Variants in POLR1A observed in about 807,000 individuals in gnomAD.
POLR1A encodes DNA-directed RNA polymerase I subunit RPA1.
POLR1A carries 84 observed loss-of-function variants against 205.3 expected under a neutral mutation model. The observed-to-expected ratio is 0.41, with a 90% CI of 0.34 to 0.49. POLR1A has a LOEUF of 0.49. Ranked by LOEUF, POLR1A falls within the 20% of genes least tolerant of loss-of-function variation. The pLI is 0.22. For synonymous variants in POLR1A, 799 were observed against 863.7 expected (o/e 0.93, Z 1.31); for missense variants, 1,645 against 2,204.5 (o/e 0.75, Z 5.08).
At chr2:86,031,656 G>C (rs770470729) in intron 29 of POLR1A, 21 bp from the exon 30 acceptor site, 3 of 1,595,098 alleles carry the variant, frequency 1.9e-6, no homozygotes, top group Admixed American at 3.4e-5. Context: ...AGGGAGCACA[G>C]GCTGTGTCAC....
intron 8 of POLR1A, 91 bp downstream of exon 8, chr2:86,081,510 G>A: frequency 2.7e-6 from 2 of 737,562 alleles, no homozygotes; most frequent in East Asian, 2.6e-5. Flanking sequence ...GTCTCTCAGT[G>A]CCCTTGGCCC....
intron 3 of POLR1A, among the ~76,000 whole-genome samples, chr2:86,092,632 C>T (rs535769999): frequency 2.0e-4 from 31 of 152,298 alleles, no homozygotes; most frequent in African/African-American, 7.5e-4. Context: ...CAAGACCAGC[C>T]TGGCCAACAT....
intron 9 of POLR1A, 147 bp downstream of exon 9, chr2:86,080,669 C>A: frequency 1.4e-6 from 1 of 692,008 alleles, no homozygotes; most frequent in Non-Finnish European, 2.3e-6. Flanking sequence ...CTAGGTGCCC[C>A]CTAAGCCCAG....
intron 15 of POLR1A, among the ~76,000 whole-genome samples, chr2:86,053,328 C>A (rs1009367187): frequency 6.6e-6 from 1 of 152,094 alleles, no homozygotes; most frequent in Admixed American, 6.5e-5. Flanking sequence ...CCCACCCACG[C>A]TGACTTGAGG....
intron 27 of POLR1A, among the ~76,000 whole-genome samples, chr2:86,036,400 G>C (rs537234598): frequency 4.6e-5 from 7 of 152,214 alleles, no homozygotes; most frequent in African/African-American, 1.7e-4. Flanking sequence ...CTCTACCTAG[G>C]GAACCATCTG....
chr2:86,063,966 G>T lies in POLR1A; in HGVS notation c.2058+1308C>A, dbSNP rs148327129. 3.0e-3 allele frequency among the ~76,000 whole-genome samples: 457 copies of T among 151,868 alleles called. 2 individuals carry two copies. The highest frequency in any genetic ancestry group is 0.014 in the Middle Eastern group (4 of 294). ...TTTTGACCCATGAGCTATTTAAGAA[G>T]TACGTTATTTAGAAGTACAAATATT... On this transcript the variant is annotated intron_variant, in intron 14 of 33. Transcript: ENST00000263857.
intron 24 of POLR1A, among the ~76,000 whole-genome samples, chr2:86,041,166 T>A (rs901540180): frequency 2.0e-4 from 19 of 95,522 alleles, no homozygotes; most frequent in Non-Finnish European, 3.5e-4. Flanking sequence ...TGTGTGTGTG[T>A]GTGTGTGTGT....
rs1372698998 is a variant in POLR1A at position 86,042,987 on chromosome 2, G to C, written c.3344C>G (p.Pro1115Arg). The change falls in exon 23 of 34, where the codon CCT becomes CGT. Residue 1115 changes from proline (P) to arginine (R), a missense_variant. By Grantham distance (103) the Pro-to-Arg change is moderately radical. Around this residue, in one of 16 missense-constraint regions of POLR1A, gnomAD observed 201 missense variants for 222.3 expected, o/e 0.90. Transcript: ENST00000263857. ...TCCCTGCATCACCTCCTGAGTCCCA[G>C]GGCTGCGGCCATTGCGGTTTTCACT... Reference protein sequence around the residue: ...LESENRNGRSPGTQEMLRMWY... With the variant: ...LESENRNGRSRGTQEMLRMWY... 1 of 1,613,670 alleles carries C rather than the reference G, an allele frequency of 6.2e-7. No individual in the cohort carries two copies. Among genetic ancestry groups the C allele is most frequent in the Admixed American group, 1.7e-5 (1 of 60,020 alleles).
At position 86,042,958 on chromosome 2, in the gene POLR1A, C is replaced by T. The variant is rs757940196; in HGVS notation, c.3357+16G>A. 3.4e-5 allele frequency: 54 copies of T among 1,593,128 alleles called. No homozygotes were observed. The highest frequency in any genetic ancestry group is 4.6e-5 in the Non-Finnish European group (53 of 1,161,512). ...TGGACGTGCTGGACATTAAGGACAC[C>T]ACCTCCCTGCATCACCTCCTGAGTC... On this transcript the variant is annotated intron_variant, in intron 23 of 33. Coordinates refer to ENST00000263857, the MANE Select transcript of POLR1A (RefSeq NM_015425.6).
At chr2:86,073,565 C>T (rs1471056064) in intron 12 of POLR1A, among the ~76,000 whole-genome samples, 1 of 152,226 alleles carries the variant, frequency 6.6e-6, no homozygotes, top group Non-Finnish European at 1.5e-5. Context: ...CCCACTTGCC[C>T]TGCACATTCC....
At chr2:86,074,667 A>T (rs1673246420) in intron 12 of POLR1A, among the ~76,000 whole-genome samples, 1 of 152,190 alleles carries the variant, frequency 6.6e-6, no homozygotes, top group Admixed American at 6.5e-5. Context: ...CCTTCCTAAG[A>T]GTGGCTCTCA....
intron 27 of POLR1A, among the ~76,000 whole-genome samples, chr2:86,037,622 C>T (rs1447896785): frequency 6.6e-6 from 1 of 152,228 alleles, no homozygotes; most frequent in Admixed American, 6.5e-5. Context: ...TCCCAGAAGA[C>T]CAAGAACTGG....
At chr2:86,097,214 CAAAAAAA>C (rs757210116) in intron 3 of POLR1A, among the ~76,000 whole-genome samples, 25 of 39,694 alleles carry the variant, frequency 6.3e-4, no homozygotes, top group African/African-American at 1.5e-3. Flanking sequence ...CCCCAAAAGA[CAAAAAAA>C]AAAAAAAAAA....
intron 12 of POLR1A, among the ~76,000 whole-genome samples, chr2:86,071,528 T>C (rs1349274850): frequency 6.6e-6 from 1 of 152,186 alleles, no homozygotes; most frequent in Admixed American, 6.5e-5. Context: ...AAAAAGGTCT[T>C]CACTTATTTT....
rs1364021988 is a variant in POLR1A, at chr2:86,068,400, G to A, written c.1866+1618C>T. 3.9e-5 allele frequency among the ~76,000 whole-genome samples: 4 copies of A among 102,476 alleles called. No homozygotes were observed. The East Asian group carries it at 1.4e-3, about 36-fold the overall frequency. 67.2% of individuals were successfully genotyped at this position (102,476 alleles called of 152,430 possible). On this transcript the variant is annotated intron_variant, in intron 13 of 33. Coordinates refer to ENST00000263857, the MANE Select transcript of POLR1A (RefSeq NM_015425.6). ...AAGCACATGGGCGGGGGGGGGGGGCGGGTGTCGTCCAAAGCTGCTGGGTTC... is the reference window on the plus strand; with the variant it reads ...AAGCACATGGGCGGGGGGGGGGGGCAGGTGTCGTCCAAAGCTGCTGGGTTC...
At chr2:86,040,116 C>A (rs1672574272) in intron 25 of POLR1A, 2 of 326,828 alleles carry the variant, frequency 6.1e-6, no homozygotes, top group Non-Finnish European at 1.1e-5. Flanking sequence ...CTGAGTCCTT[C>A]CCCCAGCAGT....
chr2:86,093,132 A>G (rs531297308), intron 3 of POLR1A, among the ~76,000 whole-genome samples: 6 of 152,362 alleles, frequency 3.9e-5, no homozygotes, highest in Admixed American at 1.3e-4. Context: ...TATATATTGA[A>G]AAGGTATTTG....
chr2:86,031,777 G>T (rs1672400617), intron 29 of POLR1A, 142 bp from the exon 30 acceptor site: 2 of 1,121,596 alleles, frequency 1.8e-6, no homozygotes, highest in African/African-American at 1.5e-5. Flanking sequence ...CGGCTCCTCT[G>T]CTCCGGCCTG....
intron 23 of POLR1A, 102 bp downstream of exon 23, chr2:86,042,872 G>T: frequency 2.4e-6 from 2 of 834,840 alleles, no homozygotes; most frequent in Non-Finnish European, 4.1e-6. Context: ...CAAAGCTGGA[G>T]TTCATGATTC....
Sources: gnomAD v4.1 joint callset for allele counts (sites outside exome capture counted in the v4.1 genomes callset) on GRCh38, gnomAD v4.1.1 for gene constraint, gnomAD v4.1.1 regional missense constraint, MANE v1.5 for transcripts, NCBI Gene and HGNC (gene_info 2026-07-23, HGNC 2026-07-21) for gene names.